ADAMTSL1: variants seen among roughly 807,000 people sequenced by gnomAD.
ADAMTSL1 encodes the protein ADAMTS like 1.
In ADAMTSL1, 126 loss-of-function variants were observed where a neutral mutation model predicts 201.8. The ratio of observed to expected loss-of-function variants is 0.62; its 90% confidence interval spans 0.54 to 0.72. The LOEUF is 0.72. Ranked by LOEUF, ADAMTSL1 falls within the 30% of genes least tolerant of loss-of-function variation. The pLI is 0.00. For synonymous variants in ADAMTSL1, 1,121 were observed against 903.4 expected (o/e 1.24, Z -4.32); for missense variants, 2,679 against 2,277.8 (o/e 1.18, Z -3.59).
intron 1 of ADAMTSL1, among the ~76,000 whole-genome samples, chr9:18,018,017 G>A (rs1192318992): frequency 6.6e-6 from 1 of 152,006 alleles, no homozygotes; most frequent in Non-Finnish European, 1.5e-5. Context: ...GATAACTGCA[G>A]CTAGTGACCT....
At chr9:18,005,929 C>T (rs1269390884) in intron 1 of ADAMTSL1, among the ~76,000 whole-genome samples, 1 of 151,882 alleles carries the variant, frequency 6.6e-6, no homozygotes, top group Non-Finnish European at 1.5e-5. Flanking sequence ...TGTCTTCTAC[C>T]AGTCATAAAA....
chr9:18,838,391 AC>A (rs1563844500), intron 23 of ADAMTSL1, among the ~76,000 whole-genome samples: 21 of 149,482 alleles, frequency 1.4e-4, no homozygotes, highest in African/African-American at 5.2e-4. Context: ...ACACACACAC[AC>A]ACACACACAC....
chr9:18,680,290 A>G (rs956369365), intron 10 of ADAMTSL1, 22 bp from the exon 11 acceptor site: 1 of 1,611,530 alleles, frequency 6.2e-7, no homozygotes, highest in Non-Finnish European at 8.5e-7. Flanking sequence ...GTCTGCCCTG[A>G]TGACTCCCCT....
chr9:18,627,423 A>T (rs1245908157), intron 5 of ADAMTSL1, among the ~76,000 whole-genome samples: 1 of 152,220 alleles, frequency 6.6e-6, no homozygotes, highest in Non-Finnish European at 1.5e-5. Context: ...TAATTACCAC[A>T]GACTAAGTGA....
At chr9:18,891,607 C>T (rs1829279345) in intron 25 of ADAMTSL1, among the ~76,000 whole-genome samples, 1 of 152,240 alleles carries the variant, frequency 6.6e-6, no homozygotes, top group Non-Finnish European at 1.5e-5. Flanking sequence ...ACAACTATTT[C>T]TACCATGTAT....
At chr9:18,055,153 T>C (rs1822121268) in intron 1 of ADAMTSL1, among the ~76,000 whole-genome samples, 1 of 152,190 alleles carries the variant, frequency 6.6e-6, no homozygotes, top group African/African-American at 2.4e-5. Context: ...CAGCACTTGG[T>C]ATCTTAAACA....
intron 2 of ADAMTSL1, among the ~76,000 whole-genome samples, chr9:18,364,748 C>T (rs753104541): frequency 2.6e-5 from 4 of 152,058 alleles, no homozygotes; most frequent in African/African-American, 4.8e-5. Flanking sequence ...CTAGCTTCTG[C>T]GTCTTGGGAG....
chr9:18,148,467 A>T (rs1826758230), intron 1 of ADAMTSL1, among the ~76,000 whole-genome samples: 1 of 152,058 alleles, frequency 6.6e-6, no homozygotes, highest in Admixed American at 6.6e-5. Flanking sequence ...GCACAACTAT[A>T]ATTAAAATTT....
intron 2 of ADAMTSL1, among the ~76,000 whole-genome samples, chr9:18,283,441 T>C (rs756787206): frequency 4.0e-5 from 6 of 151,264 alleles, no homozygotes; most frequent in Non-Finnish European, 8.8e-5. Context: ...CCCATCTCTA[T>C]AGAAAATTTT....
chr9:18,882,441 G>C (rs1828588379), intron 23 of ADAMTSL1, among the ~76,000 whole-genome samples: 1 of 152,026 alleles, frequency 6.6e-6, no homozygotes. Context: ...AAGTATATTT[G>C]CCTTCATACA....
intron 2 of ADAMTSL1, among the ~76,000 whole-genome samples, chr9:18,361,176 A>C (rs1836502369): frequency 1.3e-5 from 2 of 152,190 alleles, no homozygotes; most frequent in South Asian, 4.1e-4. Flanking sequence ...ATGAGAAAAA[A>C]CAAAACCATC....
chr9:18,650,927 C>T (rs142887744), intron 7 of ADAMTSL1, among the ~76,000 whole-genome samples: 4 of 152,074 alleles, frequency 2.6e-5, no homozygotes, highest in African/African-American at 9.7e-5. Context: ...CTTGAAGGAG[C>T]CTTTTTGAGG....
intron 5 of ADAMTSL1, chr9:18,622,586 G>A: frequency 4.7e-6 from 3 of 643,620 alleles, no homozygotes; most frequent in Non-Finnish European, 7.9e-6. Flanking sequence ...TCCTTCTGAG[G>A]CACATCAGGA....
chr9:18,862,028 C>A (rs1827244343), intron 23 of ADAMTSL1, among the ~76,000 whole-genome samples: 1 of 152,152 alleles, frequency 6.6e-6, no homozygotes, highest in African/African-American at 2.4e-5. Flanking sequence ...GTAGCTCCAC[C>A]CCCACTGCTC....
rs1273621714 is a variant in ADAMTSL1 at position 18,717,968 on chromosome 9, G to A, written c.1877-3568G>A. The A allele has an allele frequency of 1.2e-5, 18 of 1,549,436 alleles. No individual in the cohort carries two copies. The South Asian group carries it at 1.4e-4, about 12-fold the overall frequency. On this transcript the variant is annotated intron_variant, in intron 14 of 28. Coordinates refer to ENST00000380548, the MANE Select transcript of ADAMTSL1 (RefSeq NM_001040272.6). ...CTGACTCAGAGCTGCAATGCACTTA[G>A]TACATTAAAGCAGCTGACATGATGA...
chr9:18,360,120 C>T (rs1005827255), intron 2 of ADAMTSL1, among the ~76,000 whole-genome samples: 5 of 151,990 alleles, frequency 3.3e-5, no homozygotes, highest in African/African-American at 1.2e-4. Flanking sequence ...CTAGGTCCTG[C>T]CTATTTACAG....
At chr9:18,632,712 A>G (rs1462716121) in intron 5 of ADAMTSL1, among the ~76,000 whole-genome samples, 8 of 152,176 alleles carry the variant, frequency 5.3e-5, no homozygotes, top group Admixed American at 5.2e-4. Context: ...GAATTTGCAG[A>G]TCGTTTAATG....
intron 13 of ADAMTSL1, among the ~76,000 whole-genome samples, chr9:18,688,554 G>T (rs1213123545): frequency 6.9e-6 from 1 of 145,968 alleles, no homozygotes; most frequent in African/African-American, 2.5e-5. Flanking sequence ...TATATTCGCA[G>T]CTACTCAGGA....
chr9:18,559,532 T>A (rs1821335811), intron 3 of ADAMTSL1, among the ~76,000 whole-genome samples: 2 of 152,246 alleles, frequency 1.3e-5, no homozygotes, highest in East Asian at 3.9e-4. Context: ...AGTTTTTTTC[T>A]AATTCTGTGA....
Sources: allele counts gnomAD v4.1 joint callset (sites outside exome capture counted in the v4.1 genomes callset), GRCh38; gene constraint gnomAD v4.1.1; transcripts MANE v1.5; gene names NCBI Gene and HGNC (gene_info 2026-07-23, HGNC 2026-07-21).